MMAB: variants seen among roughly 807,000 people sequenced by gnomAD.
MMAB encodes the protein corrinoid adenosyltransferase MMAB.
In MMAB, 17 loss-of-function variants were observed where a neutral mutation model predicts 30.6. The ratio of observed to expected loss-of-function variants is 0.56; its 90% CI spans 0.38 to 0.83. MMAB has a LOEUF of 0.83. Among genes scored for constraint, MMAB ranks in the 40% least tolerant of loss-of-function variants. The pLI is 0.00. For missense variants in MMAB, 311 were observed against 331.6 expected, an observed-to-expected ratio of 0.94 and a Z score of 0.48; for synonymous variants, 134 against 138.6, an observed-to-expected ratio of 0.97 and a Z score of 0.23.
rs529408363 is a variant in MMAB at position 109,554,137 on chromosome 12, C to T, written c.*2891G>A. 4.9e-4 allele frequency: 223 copies of T among 453,822 alleles called. 2 individuals are homozygous for T. The highest frequency in any genetic ancestry group is 2.9e-3 in the South Asian group (184 of 64,470). The allele number at this position is 453,822 out of a possible 1,614,324, so 28.1% of individuals were successfully genotyped here. ...CACGGGGCTGTGAGTGACGAGGCCGCGTCCGGGGCTCACATCTTGGCACTG... is the reference window on the plus strand; with the variant it reads ...CACGGGGCTGTGAGTGACGAGGCCGTGTCCGGGGCTCACATCTTGGCACTG... On this transcript the variant is annotated 3_prime_UTR_variant, in exon 9 of 9. Coordinates refer to ENST00000545712, the MANE Select transcript of MMAB (RefSeq NM_052845.4).
intron 3 of MMAB, 126 bp from the exon 4 acceptor site, chr12:109,565,302 T>C: frequency 1.3e-6 from 1 of 777,692 alleles, no homozygotes; most frequent in Non-Finnish European, 2.3e-6. Context: ...CATGTTATTT[T>C]TCTTGCTAAC....
At chr12:109,566,876 T>C in intron 3 of MMAB, 1 of 428,362 alleles carries the variant, frequency 2.3e-6, no homozygotes, top group Non-Finnish European at 4.7e-6. Context: ...AACTGGCCTT[T>C]TCTCCCTTTG....
In MMAB at chr12:109,556,531, A is replaced by G. The variant is rs1883977625; in HGVS notation, c.*497T>C. 1 of 453,882 alleles carries G rather than the reference A, an allele frequency of 2.2e-6. No homozygotes were observed. Among genetic ancestry groups the G allele is most frequent in the Non-Finnish European group, 4.4e-6 (1 of 226,808 alleles). 28.1% of individuals were successfully genotyped at this position (453,882 alleles called of 1,614,324 possible). On this transcript the variant is annotated 3_prime_UTR_variant, in exon 9 of 9. Coordinates refer to ENST00000545712, the MANE Select transcript of MMAB (RefSeq NM_052845.4). ...CCAAATCTTGTCCGCCTTCCCCTTTACAAATGTGACATTTAAAGCACCTTT... is the reference window on the plus strand; with the variant it reads ...CCAAATCTTGTCCGCCTTCCCCTTTGCAAATGTGACATTTAAAGCACCTTT...
rs577006946 is a variant in MMAB, at chr12:109,558,845, T to A, written c.644+251A>T. Reference sequence around the variant, plus strand: ...TTGCACTTAGGTTTTTCTTCCTGGTTTTTACAGCAGCCTCTCCCAATAAGA... The same window carrying A: ...TTGCACTTAGGTTTTTCTTCCTGGTATTTACAGCAGCCTCTCCCAATAAGA... On this transcript the variant is annotated intron_variant, in intron 8 of 8. Coordinates refer to ENST00000545712, the MANE Select transcript of MMAB (RefSeq NM_052845.4). The surrounding 1 kb of genome is among the most constrained non-coding windows in gnomAD (Gnocchi z 4.3). Among the ~76,000 whole-genome samples, 1 of 151,824 alleles carries A rather than the reference T, an allele frequency of 6.6e-6. No individual in the cohort carries two copies. The highest frequency in any genetic ancestry group is 6.6e-5 in the Admixed American group (1 of 15,244).
chr12:109,561,674 C>T lies in MMAB; in HGVS notation c.421+106G>A. On this transcript the variant is annotated intron_variant, in intron 5 of 8. Transcript: ENST00000545712. The surrounding 1 kb of genome is among the most constrained non-coding windows in gnomAD (Gnocchi z 5.3). ...TCCCAGGAGCTACGAGCAAGGCTAA[C>T]TGACCCACCCGTGGGTCCCTGGGGG... 8.0e-7 allele frequency: 1 copy of T among 1,256,060 alleles called. No individual in the cohort carries two copies. The highest frequency in any genetic ancestry group is 1.1e-6 in the Non-Finnish European group (1 of 881,626). 77.8% of individuals were successfully genotyped at this position (1,256,060 alleles called of 1,614,324 possible). A position where few individuals can be genotyped will look rare whatever the true frequency, so the allele number is the denominator to read the frequency against.
chr12:109,553,981 A>G lies in MMAB; in HGVS notation c.*3047T>C, dbSNP rs546488924. On this transcript the variant is annotated 3_prime_UTR_variant, in exon 9 of 9. Transcript: ENST00000545712. The stretch of plus-strand genomic sequence containing the variant: ...TGAAAAACGCACATTAACGATAGCC[A>G]TGAAATATTAGTTAAGGGAAACTAG... The G allele has an allele frequency of 2.2e-6, 1 of 454,118 alleles. No homozygotes were observed. The highest frequency in any genetic ancestry group is 2.3e-5 in the Admixed American group (1 of 42,580). 28.1% of individuals were successfully genotyped at this position (454,118 alleles called of 1,614,324 possible).
At position 109,556,648 on chromosome 12, in the gene MMAB, T is replaced by TCTCTCTCTCTCACACACA. The variant is rs1555273916; in HGVS notation, c.*379_*380insTGTGTGTGAGAGAGAGAG. ...GAGCTGGCAGTGGGAGGGCTCTCTC[T>TCTCTCTCTCTCACACACA]CACACACACACACACACACACACAC... On this transcript the variant is annotated 3_prime_UTR_variant, in exon 9 of 9. Transcript: ENST00000545712. 17 of 328,370 alleles carry TCTCTCTCTCTCACACACA rather than the reference T, an allele frequency of 5.2e-5. No individual in the cohort carries two copies. The highest frequency in any genetic ancestry group is 4.4e-4 in the African/African-American group (15 of 34,036). 20.3% of individuals were successfully genotyped at this position (328,370 alleles called of 1,614,324 possible).
rs781072289 is a variant in MMAB at position 109,565,075 on chromosome 12, C to T, written c.348+44G>A. 9.1e-6 allele frequency: 14 copies of T among 1,530,344 alleles called. No homozygotes were observed. In the East Asian group the frequency reaches 2.2e-4, roughly 25 times the overall value. The allele number at this position is 1,530,344 out of a possible 1,614,324, so 94.8% of individuals were successfully genotyped here. A position where few individuals can be genotyped will look rare whatever the true frequency, so the allele number is the denominator to read the frequency against. ...TGGATGCTGAGTCCCGTGATGGCCA[C>T]CGGGGCTGAAGATTCCCAGCTTGGG... On this transcript the variant is annotated intron_variant, in intron 4 of 8. Coordinates refer to ENST00000545712, the MANE Select transcript of MMAB (RefSeq NM_052845.4).
rs115802744 is a variant in MMAB at position 109,571,660 on chromosome 12, G to C, written c.185C>G (p.Thr62Arg). Residue 62 changes from threonine to arginine, a missense_variant, in exon 2 of 9, where the codon ACG (threonine) becomes AGG (arginine). Physicochemically the swap from Thr to Arg is moderately conservative, Grantham distance 71. Transcript: ENST00000545712. ...TGTCCCCACCCTACCTTTGTCTCCCGTTTTGGTGTAAATCTTGGGGATCCT... is the reference window on the plus strand; with the variant it reads ...TGTCCCCACCCTACCTTTGTCTCCCCTTTTGGTGTAAATCTTGGGGATCCT... ...TPRIPKIYTK[T>R]GDKGFSSTFT... is the part of the protein sequence containing the mutation. 30 of 1,613,944 alleles carry C rather than the reference G, an allele frequency of 1.9e-5. No homozygotes were observed. Among genetic ancestry groups the C allele is most frequent in the Non-Finnish European group, 2.2e-5 (26 of 1,179,960 alleles).
Position 109,554,825 on chromosome 12 carries a change from C to T in MMAB, c.*2203G>A, listed in dbSNP as rs1883904615. 2.2e-6 allele frequency: 1 copy of T among 453,946 alleles called. No individual in the cohort carries two copies. Among genetic ancestry groups the T allele is most frequent in the Non-Finnish European group, 4.4e-6 (1 of 226,736 alleles). 28.1% of individuals were successfully genotyped at this position (453,946 alleles called of 1,614,324 possible). A position where few individuals can be genotyped will look rare whatever the true frequency, so the allele number is the denominator to read the frequency against. ...TTAAACACCCCATCCTTCCAGCCCC[C>T]AAAGCAAGCTTTCTCCATTTTTCCC... On this transcript the variant is annotated 3_prime_UTR_variant, in exon 9 of 9. Coordinates refer to ENST00000545712, the MANE Select transcript of MMAB (RefSeq NM_052845.4).
Position 109,559,080 on chromosome 12 carries a change from G to A in MMAB, c.644+16C>T. 1 of 1,609,408 alleles carries A rather than the reference G, an allele frequency of 6.2e-7. No homozygotes were observed. Among genetic ancestry groups the A allele is most frequent in the Non-Finnish European group, 8.5e-7 (1 of 1,175,944 alleles). On this transcript the variant is annotated intron_variant, in intron 8 of 8. Transcript: ENST00000545712. ...CTCGGCTTTCAGAGAGGAACCCCCA[G>A]GTTCCACGCGAGTACCTGTTTAAGA...
intron 1 of MMAB, 28 bp from the exon 2 acceptor site, chr12:109,571,738 G>A: frequency 1.2e-6 from 2 of 1,603,634 alleles, no homozygotes; most frequent in Non-Finnish European, 1.7e-6. Flanking sequence ...TCAGTATCTG[G>A]TGAGTGGGGA....
At chr12:109,559,837 C>T (rs576044327) in intron 7 of MMAB, among the ~76,000 whole-genome samples, 1 of 152,322 alleles carries the variant, frequency 6.6e-6, no homozygotes, top group Non-Finnish European at 1.5e-5. Flanking sequence ...GCTAGCGGCC[C>T]AGGAGGGTGT....
rs1884047730 is a variant in MMAB at position 109,558,212 on chromosome 12, T to A, written c.644+884A>T. On this transcript the variant is annotated intron_variant, in intron 8 of 8. Transcript: ENST00000545712. This position sits in a 1 kb window ranked among gnomAD's most constrained non-coding sequence, Gnocchi z 4.3. ...GGAGGGCAGTGGTGTGCCTGTTGCT[T>A]GTTGGCTCTGTGAAGCCTCACTGAG... Among the ~76,000 whole-genome samples, 1 of 152,154 alleles carries A rather than the reference T, an allele frequency of 6.6e-6. No homozygotes were observed. Among genetic ancestry groups the A allele is most frequent in the African/African-American group, 2.4e-5 (1 of 41,440 alleles).
At position 109,561,428 on chromosome 12, in the gene MMAB, T is replaced by C. The variant is rs966498969; in HGVS notation, c.511A>G (p.Ile171Val). 1 of 1,550,920 alleles carries C rather than the reference T, an allele frequency of 6.4e-7. No individual in the cohort carries two copies. The highest frequency in any genetic ancestry group is 8.7e-7 in the Non-Finnish European group (1 of 1,146,948). The change falls in exon 6 of 9, where the codon ATC (isoleucine) becomes GTC (valine). Residue 171 changes from isoleucine to valine, a missense_variant. Ile to Val is a conservative substitution (Grantham distance 29). Transcript: ENST00000545712. The surrounding 1 kb of genome is among the most constrained non-coding windows in gnomAD (Gnocchi z 5.3). ...TSQLPPLTAFILPSGGKISSA... is the reference protein window; with the variant it reads ...TSQLPPLTAFVLPSGGKISSA... ...GCCTGCCCAGTACCTACAGGCAGGATGAAGGCCGTGAGTGGTGGGAGCTGG... is the reference window on the plus strand; with the variant it reads ...GCCTGCCCAGTACCTACAGGCAGGACGAAGGCCGTGAGTGGTGGGAGCTGG...
intron 4 of MMAB, among the ~76,000 whole-genome samples, chr12:109,562,608 C>T (rs1884254632): frequency 6.6e-6 from 1 of 152,220 alleles, no homozygotes; most frequent in Non-Finnish European, 1.5e-5. Context: ...TGCACCTAGG[C>T]CCTGTGAGGT....
chr12:109,568,866 G>A lies in MMAB; in HGVS notation c.197-3C>T. On this transcript the variant is annotated splice_polypyrimidine_tract_variant and splice_region_variant and intron_variant, in intron 2 of 8. Coordinates refer to ENST00000545712, the MANE Select transcript of MMAB (RefSeq NM_052845.4). Reference sequence around the variant, plus strand: ...TCCTGTGAAGGTACTAGAAAACCCTGTGGAAAAAAATGTTTAGCCACCCAA... The same window carrying A: ...TCCTGTGAAGGTACTAGAAAACCCTATGGAAAAAAATGTTTAGCCACCCAA... 3 of 1,610,576 alleles carry A rather than the reference G, an allele frequency of 1.9e-6. No homozygotes were observed. The South Asian group carries it at 3.3e-5, about 18-fold the overall frequency.
At position 109,554,129 on chromosome 12, in the gene MMAB, C is replaced by T. The variant is rs990461722; in HGVS notation, c.*2899G>A. ...CTGAGGAGCACGGGGCTGTGAGTGACGAGGCCGCGTCCGGGGCTCACATCT... is the reference window on the plus strand; with the variant it reads ...CTGAGGAGCACGGGGCTGTGAGTGATGAGGCCGCGTCCGGGGCTCACATCT... On this transcript the variant is annotated 3_prime_UTR_variant, in exon 9 of 9. Coordinates refer to ENST00000545712, the MANE Select transcript of MMAB (RefSeq NM_052845.4). 14 of 453,782 alleles carry T rather than the reference C, an allele frequency of 3.1e-5. No individual in the cohort carries two copies. Among genetic ancestry groups the T allele is most frequent in the Admixed American group, 9.4e-5 (4 of 42,546 alleles). 28.1% of individuals were successfully genotyped at this position (453,782 alleles called of 1,614,324 possible).
Position 109,568,800 on chromosome 12 carries a change from C to A in MMAB, c.260G>T (p.Gly87Val), listed in dbSNP as rs1206707582. Residue 87 changes from glycine to valine, a missense_variant, in exon 3 of 9, where the codon GGA (glycine) becomes GTA (valine). Transcript: ENST00000545712. ...AGCTGAACTTAATTCATCTGTAGTT[C>A]CCACGGCTTCAAACACTTGGTCATC... is the stretch of plus-strand genomic sequence containing the variant. ...PKDDQVFEAV[G>V]TTDELSSAIG... is the part of the protein sequence containing the mutation. 1.2e-6 allele frequency: 2 copies of A among 1,614,014 alleles called. No homozygotes were observed. The highest frequency in any genetic ancestry group is 2.7e-5 in the African/African-American group (2 of 74,934).
Sources: allele counts gnomAD v4.1 joint callset (sites outside exome capture counted in the v4.1 genomes callset), GRCh38; gene constraint gnomAD v4.1.1; non-coding constraint Gnocchi (gnomAD v3.1); transcripts MANE v1.5; gene names NCBI Gene and HGNC (gene_info 2026-07-23, HGNC 2026-07-21).